The following NCBP2L variants were observed in gnomAD, a reference collection of about 807,000 sequenced individuals.
The protein encoded by NCBP2L is nuclear cap-binding protein subunit 2-like.
For missense variants in NCBP2L, 95 were observed against 53.1 expected (o/e 1.79, Z -2.45); for synonymous variants, 39 against 19.2 (o/e 2.04, Z -2.70).
At chrX:107,791,479 T>C (rs1448978348) in intron 1 of NCBP2L, among the ~76,000 whole-genome samples, 4 of 112,060 alleles carry the variant, frequency 3.6e-5, no homozygotes, top group Non-Finnish European at 7.5e-5. Context: ...CTCCTGGGAT[T>C]AAGCAATCCA....
chrX:107,781,660 A>ATCTCTCTCTC (rs1930274533), intron 1 of NCBP2L, among the ~76,000 whole-genome samples: 1 of 65,572 alleles, frequency 1.5e-5, no homozygotes, highest in Non-Finnish European at 2.5e-5. Context: ...TCATCTATCT[A>ATCTCTCTCTC]TCTATCTATC....
chrX:107,791,316 G>T (rs1202248040), intron 1 of NCBP2L, among the ~76,000 whole-genome samples: 1 of 110,321 alleles, frequency 9.1e-6, no homozygotes, highest in African/African-American at 3.3e-5. Flanking sequence ...GCACAATTAT[G>T]GCTCACTTCA....
At position 107,794,347 on chromosome X, in the gene NCBP2L, A is replaced by G. The variant is rs760967552; in HGVS notation, c.127A>G (p.Met43Val). 3.5e-6 allele frequency: 2 copies of G among 570,395 alleles called. No homozygotes were observed. The highest frequency in any genetic ancestry group is 3.2e-5 in the East Asian group (1 of 30,854). The allele number at this position is 570,395 out of a possible 1,213,427, so 47.0% of individuals were successfully genotyped here. A position where few individuals can be genotyped will look rare whatever the true frequency, so the allele number is the denominator to read the frequency against. ...ACTGAAGGAAAGCTCCACATTGAAT[A>G]TGGGGAATCTTTCCTTTTATACAAC... The part of the protein sequence containing the change: ...KLLKESSTLN[M>V]GNLSFYTTEE... Residue 43 changes from methionine to valine, a missense_variant, in exon 2 of 2, where the codon ATG becomes GTG. Transcript: ENST00000509000.
At chrX:107,782,392 C>T (rs1310780982) in intron 1 of NCBP2L, among the ~76,000 whole-genome samples, 1 of 65,093 alleles carries the variant, frequency 1.5e-5, no homozygotes, top group African/African-American at 6.1e-5. Context: ...TATACCCACA[C>T]ATATATACAC....
At chrX:107,782,351 AAAT>A (rs1930332886) in intron 1 of NCBP2L, among the ~76,000 whole-genome samples, 3 of 41,811 alleles carry the variant, frequency 7.2e-5, no homozygotes, top group Middle Eastern at 8.5e-3. Flanking sequence ...ATATATATAT[AAAT>A]ATATATATAT....
intron 1 of NCBP2L, among the ~76,000 whole-genome samples, chrX:107,785,265 T>C (rs1393867170): frequency 9.0e-6 from 1 of 111,589 alleles, no homozygotes; most frequent in Non-Finnish European, 1.9e-5. Context: ...CCCAACTTTG[T>C]TGGGCACTTT....
In NCBP2L at chrX:107,794,581, C is replaced by T; in HGVS notation, c.361C>T (p.Gln121Ter). 1.8e-6 allele frequency: 1 copy of T among 569,604 alleles called. No homozygotes were observed. The allele number at this position is 569,604 out of a possible 1,213,427, so 46.9% of individuals were successfully genotyped here. A position where few individuals can be genotyped will look rare whatever the true frequency, so the allele number is the denominator to read the frequency against. Reference protein sequence around the residue: ...TDWDVGFREGQQYGRGKSGGQ... With the variant: ...TDWDVGFREG ...TTGGGATGTCGGTTTTAGAGAGGGT[C>T]AACAGTATGGTCGCGGTAAATCTGG... The change falls in exon 2 of 2, where the codon CAA becomes TAA. Residue 121 changes from glutamine (Q) to a stop codon, truncating the protein, a stop_gained. Transcript: ENST00000509000. LOFTEE classifies it low-confidence loss of function (END_TRUNC).
At chrX:107,783,855 CGTAT>C (rs1370314524) in intron 1 of NCBP2L, among the ~76,000 whole-genome samples, 1 of 79,857 alleles carries the variant, frequency 1.3e-5, no homozygotes, top group African/African-American at 7.0e-5. Context: ...GTCTGGTGTG[CGTAT>C]GTGTGTGTGT....
chrX:107,781,692 C>CTCTATCTATATA (rs1395038482), intron 1 of NCBP2L, among the ~76,000 whole-genome samples: 1 of 66,919 alleles, frequency 1.5e-5, no homozygotes, highest in Non-Finnish European at 2.5e-5. Flanking sequence ...CTCTCTCTCT[C>CTCTATCTATATA]TATATATATA....
Position 107,787,041 on chromosome X carries a change from A to G in NCBP2L, c.-72-7108A>G, listed in dbSNP as rs761541386. The stretch of plus-strand genomic sequence containing the variant: ...TTGTTAGGCAAAAGTTCAACTAAGA[A>G]ACCACATACGTCAGTGCTTCTCAAA... On this transcript the variant is annotated intron_variant, in intron 1 of 1. Transcript: ENST00000509000. Among the ~76,000 whole-genome samples, 193 of 111,609 alleles carry G rather than the reference A, an allele frequency of 1.7e-3. 2 individuals are homozygous for G. The highest frequency in any genetic ancestry group is 2.9e-3 in the Non-Finnish European group (152 of 53,086).
At chrX:107,790,490 C>G (rs922519752) in intron 1 of NCBP2L, among the ~76,000 whole-genome samples, 5 of 111,014 alleles carry the variant, frequency 4.5e-5, no homozygotes, top group Non-Finnish European at 7.5e-5. Flanking sequence ...CAAGGCCCCT[C>G]ACAATCTGGC....
chrX:107,779,572 G>A (rs748125375), intron 1 of NCBP2L, among the ~76,000 whole-genome samples: 10 of 110,601 alleles, frequency 9.0e-5, no homozygotes, highest in Admixed American at 4.8e-4. Context: ...GGGATTACGG[G>A]CATGTGCCAC....
In NCBP2L at chrX:107,794,988, T is replaced by C. The variant is rs1419697094; in HGVS notation, c.*306T>C. 1 of 145,770 alleles carries C rather than the reference T, an allele frequency of 6.9e-6. No homozygotes were observed. The highest frequency in any genetic ancestry group is 3.1e-5 in the African/African-American group (1 of 31,928). The allele number at this position is 145,770 out of a possible 1,213,427, so 12.0% of individuals were successfully genotyped here. A position where few individuals can be genotyped will look rare whatever the true frequency, so the allele number is the denominator to read the frequency against. Reference sequence around the variant, plus strand: ...ACAACTTCCCTTTTAAGAAGATTTCTGTTGGATTCTATGGCCATGTTCCTG... The same window carrying C: ...ACAACTTCCCTTTTAAGAAGATTTCCGTTGGATTCTATGGCCATGTTCCTG... On this transcript the variant is annotated 3_prime_UTR_variant, in exon 2 of 2. Coordinates refer to ENST00000509000, the MANE Select transcript of NCBP2L (RefSeq NM_001348372.2).
At chrX:107,785,408 C>T (rs1001530984) in intron 1 of NCBP2L, among the ~76,000 whole-genome samples, 3 of 111,733 alleles carry the variant, frequency 2.7e-5, no homozygotes, top group Admixed American at 9.5e-5. Flanking sequence ...CCCTATTTTC[C>T]GTAGCTAGTG....
chrX:107,781,676 A>ATCTATCTATCTATCTC (rs1380779020), intron 1 of NCBP2L, among the ~76,000 whole-genome samples: 813 of 55,843 alleles, frequency 0.015, 36 homozygotes, highest in African/African-American at 0.083. Flanking sequence ...CTATCTATCT[A>ATCTATCTATCTATCTC]TCTCTCTCTC....
At chrX:107,782,212 T>G (rs1197831546) in intron 1 of NCBP2L, among the ~76,000 whole-genome samples, 1 of 30,959 alleles carries the variant, frequency 3.2e-5, no homozygotes, top group Non-Finnish European at 4.9e-5. Flanking sequence ...TATATATAAA[T>G]ATATATATAA....
Position 107,795,062 on chromosome X carries a change from A to G in NCBP2L, c.*380A>G, listed in dbSNP as rs909226735. 3 of 116,965 alleles carry G rather than the reference A, an allele frequency of 2.6e-5. No homozygotes were observed. Among genetic ancestry groups the G allele is most frequent in the Non-Finnish European group, 5.3e-5 (3 of 56,410 alleles). 9.6% of individuals were successfully genotyped at this position (116,965 alleles called of 1,213,427 possible). ...TAGAGCTTGCATAAAATACAGTCAA[A>G]TAAGTGGAAATTTTAAAAAGTTATC... On this transcript the variant is annotated 3_prime_UTR_variant, in exon 2 of 2. Coordinates refer to ENST00000509000, the MANE Select transcript of NCBP2L (RefSeq NM_001348372.2).
intron 1 of NCBP2L, among the ~76,000 whole-genome samples, chrX:107,779,624 C>T (rs915574513): frequency 2.7e-5 from 3 of 110,778 alleles, no homozygotes; most frequent in East Asian, 5.6e-4. Context: ...GACAGGGTTT[C>T]GCCACATTGG....
At chrX:107,782,244 T>TAA (rs1930314400) in intron 1 of NCBP2L, among the ~76,000 whole-genome samples, 2 of 20,703 alleles carry the variant, frequency 9.7e-5, no homozygotes, top group Non-Finnish European at 1.3e-4. Context: ...TAAATATATA[T>TAA]ATATAAATAT....
Sources: allele counts gnomAD v4.1 joint callset (sites outside exome capture counted in the v4.1 genomes callset), GRCh38; gene constraint gnomAD v4.1.1; transcripts MANE v1.5; gene names NCBI Gene and HGNC (gene_info 2026-07-23, HGNC 2026-07-21).